The following MTHFD2L variants were observed in gnomAD, a reference collection of about 807,000 sequenced individuals.
MTHFD2L encodes the protein methylenetetrahydrofolate dehydrogenase (NADP+ dependent) 2 like.
A neutral mutation model predicts 34.9 loss-of-function variants in MTHFD2L; 29 were observed. That is an observed-to-expected ratio of 0.83 (90% CI 0.62 to 1.13). The LOEUF (loss-of-function observed/expected upper bound fraction) is 1.13, where lower values mean the gene tolerates loss of function less well. Ranked by LOEUF, MTHFD2L falls within the 50% of genes most tolerant of loss-of-function variation. The probability of loss-of-function intolerance (pLI) is 0.00; values close to 1 mark genes in which losing one functional copy is unlikely to be tolerated. For synonymous variants in MTHFD2L, 167 were observed against 155.7 expected (o/e 1.07, Z -0.54); for missense variants, 481 against 446.5 (o/e 1.08, Z -0.70).
intron 6 of MTHFD2L, among the ~76,000 whole-genome samples, chr4:74,244,122 C>G (rs1742092215): frequency 1.3e-5 from 2 of 152,126 alleles, no homozygotes; most frequent in Admixed American, 1.3e-4. Flanking sequence ...CACAATCTTT[C>G]CAGTCTTCTG....
intron 1 of MTHFD2L, among the ~76,000 whole-genome samples, chr4:74,129,483 C>T (rs962723678): frequency 1.3e-5 from 2 of 151,724 alleles, no homozygotes; most frequent in African/African-American, 4.8e-5. Context: ...CAATCTGCTC[C>T]CGGATAACTA....
chr4:74,190,221 A>G (rs955814003), intron 3 of MTHFD2L, among the ~76,000 whole-genome samples: 6 of 152,234 alleles, frequency 3.9e-5, no homozygotes, highest in Admixed American at 1.3e-4. Flanking sequence ...ACAGTACTGT[A>G]TATTTGACAG....
At chr4:74,169,835 A>G (rs1429670831) in intron 1 of MTHFD2L, among the ~76,000 whole-genome samples, 4 of 152,230 alleles carry the variant, frequency 2.6e-5, no homozygotes, top group African/African-American at 9.6e-5. Flanking sequence ...TTGAAAAATA[A>G]AAACCTCAAA....
chr4:74,173,745 A>G (rs1005265190), intron 1 of MTHFD2L, among the ~76,000 whole-genome samples: 2 of 152,220 alleles, frequency 1.3e-5, no homozygotes, highest in Non-Finnish European at 1.5e-5. Flanking sequence ...TTTAGAAAAA[A>G]TAGCAGAACT....
At position 74,293,563 on chromosome 4, in the gene MTHFD2L, G is replaced by A. The variant is rs1007750807; in HGVS notation, c.932-8134G>A. 8 of 971,914 alleles carry A rather than the reference G, an allele frequency of 8.2e-6. No individual in the cohort carries two copies. In the African/African-American group the frequency reaches 1.4e-4, roughly 17 times the overall value. 60.2% of individuals were successfully genotyped at this position (971,914 alleles called of 1,614,324 possible). On this transcript the variant is annotated intron_variant, in intron 7 of 7. Coordinates refer to ENST00000325278, the MANE Select transcript of MTHFD2L (RefSeq NM_001144978.3). ...CTCAAGATTCAGCAACCAGATGAAT[G>A]TAAGAAGAAATATAGTAAATTCCCT...
chr4:74,280,997 CCCTT>C (rs1747388817), intron 6 of MTHFD2L, among the ~76,000 whole-genome samples: 1 of 151,756 alleles, frequency 6.6e-6, no homozygotes, highest in African/African-American at 2.4e-5. Flanking sequence ...CTATCTCTCT[CCCTT>C]CCTCCCTCCC....
intron 5 of MTHFD2L, among the ~76,000 whole-genome samples, chr4:74,204,505 A>AT (rs1317012165): frequency 2.6e-5 from 4 of 151,930 alleles, no homozygotes; most frequent in Non-Finnish European, 4.4e-5. Context: ...TTGTTTTTGC[A>AT]TTTTTTGGAT....
At chr4:74,180,793 C>T in intron 3 of MTHFD2L, 1 of 387,986 alleles carries the variant, frequency 2.6e-6, no homozygotes, top group South Asian at 1.8e-5. Flanking sequence ...ATAAAAATGA[C>T]CGAATGCAGA....
chr4:74,253,160 G>T (rs1018814422), intron 6 of MTHFD2L, among the ~76,000 whole-genome samples: 3 of 152,068 alleles, frequency 2.0e-5, no homozygotes, highest in African/African-American at 7.2e-5. Context: ...AGCTATATAA[G>T]GAACCAGAAA....
At chr4:74,210,334 A>G (rs2110081007) in intron 5 of MTHFD2L, among the ~76,000 whole-genome samples, 1 of 152,274 alleles carries the variant, frequency 6.6e-6, no homozygotes, top group Middle Eastern at 3.4e-3. Flanking sequence ...CCTTTTGTTT[A>G]AGGCTTTAAT....
chr4:74,220,867 C>T (rs1484941141), intron 5 of MTHFD2L, among the ~76,000 whole-genome samples: 2 of 149,456 alleles, frequency 1.3e-5, no homozygotes, highest in African/African-American at 4.9e-5. Flanking sequence ...GGTTTTTTTT[C>T]TAGTTTCATT....
intron 7 of MTHFD2L, among the ~76,000 whole-genome samples, chr4:74,301,293 A>G (rs960359076): frequency 1.3e-5 from 2 of 152,108 alleles, no homozygotes; most frequent in African/African-American, 2.4e-5. Flanking sequence ...GAATAATTCT[A>G]TTTAATAAAT....
upstream of MTHFD2L, among the ~76,000 whole-genome samples, chr4:74,154,373 A>G (rs1242103153): frequency 6.6e-6 from 1 of 152,178 alleles, no homozygotes; most frequent in Non-Finnish European, 1.5e-5. Context: ...CCATTTAAGA[A>G]GTGAAGAATT....
intron 5 of MTHFD2L, among the ~76,000 whole-genome samples, chr4:74,222,954 G>C (rs570057095): frequency 6.6e-6 from 1 of 152,130 alleles, no homozygotes; most frequent in African/African-American, 2.4e-5. Context: ...CGAGGTTGCA[G>C]AGGAAAAAGA....
chr4:74,230,086 T>C lies in MTHFD2L; in HGVS notation c.805+4692T>C, dbSNP rs1739784578. Among the ~76,000 whole-genome samples the C allele has an allele frequency of 5.3e-5, 8 of 152,216 alleles. No homozygotes were observed. The South Asian group carries it at 1.4e-3, about 28-fold the overall frequency. On this transcript the variant is annotated intron_variant, in intron 6 of 7. Transcript: ENST00000325278. ...TTCAAATTGATACATATTTAGCCGA[T>C]ATAATCTAATTTTTTAAGATGGAAT... is the stretch of plus-strand genomic sequence containing the variant.
chr4:74,202,536 A>G (rs572810867), intron 5 of MTHFD2L, among the ~76,000 whole-genome samples: 1 of 152,286 alleles, frequency 6.6e-6, no homozygotes, highest in Admixed American at 6.5e-5. Flanking sequence ...GTGATGGGGC[A>G]TTGTTCGTGG....
At chr4:74,197,998 T>G (rs1733776168) in intron 3 of MTHFD2L, among the ~76,000 whole-genome samples, 1 of 152,220 alleles carries the variant, frequency 6.6e-6, no homozygotes, top group African/African-American at 2.4e-5. Context: ...TCTACTCATA[T>G]GGAGCTCTTT....
chr4:74,264,415 G>A (rs188174785), intron 6 of MTHFD2L, among the ~76,000 whole-genome samples: 4 of 151,408 alleles, frequency 2.6e-5, no homozygotes, highest in African/African-American at 9.7e-5. Flanking sequence ...TCCAACCCAA[G>A]AACTAGACTA....
At chr4:74,221,580 T>A (rs1048402409) in intron 5 of MTHFD2L, among the ~76,000 whole-genome samples, 1 of 151,966 alleles carries the variant, frequency 6.6e-6, no homozygotes, top group Non-Finnish European at 1.5e-5. Flanking sequence ...ATTTTCCTGC[T>A]ACATGTTTGC....
Sources: allele counts gnomAD v4.1 joint callset (sites outside exome capture counted in the v4.1 genomes callset), GRCh38; gene constraint gnomAD v4.1.1; transcripts MANE v1.5; gene names NCBI Gene and HGNC (gene_info 2026-07-23, HGNC 2026-07-21).